The following NISCH variants were observed in gnomAD, a reference collection of about 807,000 sequenced individuals.
NISCH encodes the protein I-1 receptor candidate protein.
In NISCH, 55 loss-of-function variants were observed where a neutral mutation model predicts 138.4. The ratio of observed to expected loss-of-function variants is 0.40; its 90% CI spans 0.32 to 0.50. NISCH has a LOEUF of 0.50. Among genes scored for constraint, NISCH ranks in the 20% least tolerant of loss-of-function variants. NISCH has a pLI of 0.71. For synonymous variants in NISCH, 860 were observed against 861.5 expected, an observed-to-expected ratio of 1.00 and a Z score of 0.03; for missense variants, 1,643 against 2,005.5, an observed-to-expected ratio of 0.82 and a Z score of 3.45.
At chr3:52,463,209 G>A (rs369437450) in intron 3 of NISCH, among the ~76,000 whole-genome samples, 3 of 152,330 alleles carry the variant, frequency 2.0e-5, no homozygotes, top group Admixed American at 6.5e-5. Flanking sequence ...GAATCATACA[G>A]TGTGTGGCCT....
rs1331815315 is a variant in NISCH at position 52,487,189 on chromosome 3, T to C, written c.1704-7T>C. On this transcript the variant is annotated splice_region_variant and splice_polypyrimidine_tract_variant and intron_variant, in intron 15 of 20. Coordinates refer to ENST00000345716, the MANE Select transcript of NISCH (RefSeq NM_007184.4). The surrounding 1 kb of genome is among the most constrained non-coding windows in gnomAD (Gnocchi z 9.1). ...GCATGCCACTGACCTGGCCTCTCCCTGCACAGCCCAGAACATGCCGAGCCG... is the reference window on the plus strand; with the variant it reads ...GCATGCCACTGACCTGGCCTCTCCCCGCACAGCCCAGAACATGCCGAGCCG... 1.2e-6 allele frequency: 2 copies of C among 1,605,948 alleles called. No homozygotes were observed. The highest frequency in any genetic ancestry group is 8.5e-7 in the Non-Finnish European group (1 of 1,175,078).
chr3:52,480,960 C>G, intron 13 of NISCH: 1 of 1,511,080 alleles, frequency 6.6e-7, no homozygotes, highest in South Asian at 1.3e-5. Context: ...GGAGGGTGTG[C>G]CGTCCCGAGT....
At position 52,491,619 on chromosome 3, in the gene NISCH, T is replaced by C. The variant is rs997752041; in HGVS notation, c.3904+106T>C. 3 of 1,321,148 alleles carry C rather than the reference T, an allele frequency of 2.3e-6. No individual in the cohort carries two copies. The African/African-American group carries it at 4.5e-5, about 20-fold the overall frequency. The allele number at this position is 1,321,148 out of a possible 1,614,324, so 81.8% of individuals were successfully genotyped here. A position where few individuals can be genotyped will look rare whatever the true frequency, so the allele number is the denominator to read the frequency against. ...ACCCTCTCTGCCTCTATGTCTCTCTTTTCTCACTTAGCTGGCCAGGGTTTT... is the reference window on the plus strand; with the variant it reads ...ACCCTCTCTGCCTCTATGTCTCTCTCTTCTCACTTAGCTGGCCAGGGTTTT... On this transcript the variant is annotated intron_variant, in intron 20 of 20. Coordinates refer to ENST00000345716, the MANE Select transcript of NISCH (RefSeq NM_007184.4).
At chr3:52,467,762 C>T (rs1706829273) in intron 3 of NISCH, among the ~76,000 whole-genome samples, 1 of 152,230 alleles carries the variant, frequency 6.6e-6, no homozygotes, top group Non-Finnish European at 1.5e-5. Context: ...GCCCTATCCC[C>T]TTAGAGGGGC....
intron 13 of NISCH, chr3:52,481,287 G>A: frequency 9.7e-7 from 1 of 1,035,282 alleles, no homozygotes; most frequent in South Asian, 4.2e-5. Flanking sequence ...GACTGGGCAG[G>A]AAGAGGGGAG....
At chr3:52,490,557 C>G in intron 18 of NISCH, 148 bp from the exon 19 acceptor site, 1 of 1,130,372 alleles carries the variant, frequency 8.8e-7, no homozygotes, top group Non-Finnish European at 1.3e-6. Flanking sequence ...GGAAGAGGCT[C>G]CGACTCCAGA....
intron 3 of NISCH, among the ~76,000 whole-genome samples, chr3:52,461,611 C>T (rs1433510546): frequency 6.6e-6 from 1 of 152,138 alleles, no homozygotes; most frequent in Non-Finnish European, 1.5e-5. Context: ...CGCCTGTAAT[C>T]CCAGCACTTT....
chr3:52,490,327 C>T, intron 18 of NISCH, 96 bp downstream of exon 18: 1 of 1,398,550 alleles, frequency 7.2e-7, no homozygotes, highest in Non-Finnish European at 9.8e-7. Context: ...TGGCTTCAGG[C>T]AGCAGTCAGC....
chr3:52,492,675 G>A lies in NISCH; in HGVS notation c.*193G>A. ...GGGAGTGAGAATGCCGGGCCCCTCA[G>A]GGCTGTCGGTGTGCTGTCAGCCTCC... On this transcript the variant is annotated 3_prime_UTR_variant, in exon 21 of 21. Coordinates refer to ENST00000345716, the MANE Select transcript of NISCH (RefSeq NM_007184.4). 1 of 780,544 alleles carries A rather than the reference G, an allele frequency of 1.3e-6. No individual in the cohort carries two copies. Among genetic ancestry groups the A allele is most frequent in the South Asian group, 2.0e-5 (1 of 50,112 alleles). The allele number at this position is 780,544 out of a possible 1,614,324, so 48.4% of individuals were successfully genotyped here.
rs372651693 is a variant in NISCH, at chr3:52,490,146, G to A, written c.3528G>A (p.Val1176=). The change falls in exon 18 of 21, where the codon GTG becomes GTA. Residue 1176 remains valine, a synonymous_variant. Coordinates refer to ENST00000345716, the MANE Select transcript of NISCH (RefSeq NM_007184.4). ...TCTACCAGACCCCAGGGCTGGAGGT[G>A]ACTGCCTGCGTGCTGCTCTCCACCA... ...VVFYQTPGLE[V]TACVLLSTKA... The A allele has an allele frequency of 2.2e-5, 36 of 1,613,492 alleles. No homozygotes were observed. The African/African-American group carries it at 3.9e-4, about 17-fold the overall frequency.
At chr3:52,467,682 T>C (rs1706826791) in intron 3 of NISCH, among the ~76,000 whole-genome samples, 1 of 152,258 alleles carries the variant, frequency 6.6e-6, no homozygotes, top group African/African-American at 2.4e-5. Context: ...AAGTGAAAGC[T>C]TTCTCTTTGC....
At chr3:52,490,682 C>T in intron 18 of NISCH, 23 bp from the exon 19 acceptor site, 3 of 1,614,110 alleles carry the variant, frequency 1.9e-6, no homozygotes, top group Non-Finnish European at 2.5e-6. Context: ...CCGCCTCCCT[C>T]TGTCCCTTTC....
chr3:52,466,295 G>A (rs1406072220), intron 3 of NISCH, among the ~76,000 whole-genome samples: 2 of 152,140 alleles, frequency 1.3e-5, no homozygotes, highest in African/African-American at 4.8e-5. Flanking sequence ...GCCGGGCATG[G>A]TGACTCACGC....
intron 1 of NISCH, among the ~76,000 whole-genome samples, chr3:52,456,991 C>G (rs890021006): frequency 6.6e-6 from 1 of 152,186 alleles, no homozygotes; most frequent in African/African-American, 2.4e-5. Flanking sequence ...CTAGTTTGGA[C>G]CCTACCATCC....
Position 52,490,182 on chromosome 3 carries a change from C to T in NISCH, c.3564C>T (p.Tyr1188=). 1 of 1,613,440 alleles carries T rather than the reference C, an allele frequency of 6.2e-7. No individual in the cohort carries two copies. The highest frequency in any genetic ancestry group is 8.5e-7 in the Non-Finnish European group (1 of 1,180,038). The part of the protein sequence containing the change: ...ACVLLSTKAV[Y]FVLHDGLRRY... ...TGCTGCTCTCCACCAAGGCTGTGTACTTTGTGCTCCACGACGGCCTCCGCC... is the reference window on the plus strand; with the variant it reads ...TGCTGCTCTCCACCAAGGCTGTGTATTTTGTGCTCCACGACGGCCTCCGCC... The change falls in exon 18 of 21, where the codon TAC becomes TAT. Residue 1188 remains tyrosine, a synonymous_variant. Transcript: ENST00000345716.
chr3:52,476,143 A>C lies in NISCH; in HGVS notation c.766-304A>C, dbSNP rs533101811. Reference sequence around the variant, plus strand: ...ACAGAGCGAGACTCCATCTCAAAAAAGAGAAAAGGCTAGAAAAGGCATCAC... The same window carrying C: ...ACAGAGCGAGACTCCATCTCAAAAACGAGAAAAGGCTAGAAAAGGCATCAC... On this transcript the variant is annotated intron_variant, in intron 7 of 20. Coordinates refer to ENST00000345716, the MANE Select transcript of NISCH (RefSeq NM_007184.4). Among the ~76,000 whole-genome samples the C allele has an allele frequency of 2.0e-5, 3 of 152,356 alleles. No homozygotes were observed. The South Asian group carries it at 6.2e-4, about 32-fold the overall frequency.
At position 52,473,822 on chromosome 3, in the gene NISCH, C is replaced by T. The variant is rs748430765; in HGVS notation, c.758C>T (p.Ser253Leu). Residue 253 changes from serine to leucine, a missense_variant, in exon 7 of 21, where the codon TCG becomes TTG. Transcript: ENST00000345716. ...CTGAGTGTCCGCTTCTCAGCAACCT[C>T]GATGAAGGTAAGCTTCACCTATATC... Reference protein sequence around the residue: ...ATLSVRFSATSMKEVLVPEAS... With the variant: ...ATLSVRFSATLMKEVLVPEAS... 8.7e-6 allele frequency: 14 copies of T among 1,606,024 alleles called. No homozygotes were observed. Among genetic ancestry groups the T allele is most frequent in the Non-Finnish European group, 1.1e-5 (13 of 1,174,210 alleles).
At chr3:52,464,887 C>T (rs929326304) in intron 3 of NISCH, among the ~76,000 whole-genome samples, 13 of 151,506 alleles carry the variant, frequency 8.6e-5, no homozygotes, top group African/African-American at 2.4e-4. Context: ...AGGCTGGTCT[C>T]GAACTCCTGA....
chr3:52,481,267 G>A (rs916627705), intron 13 of NISCH: 12 of 1,061,274 alleles, frequency 1.1e-5, no homozygotes, highest in Admixed American at 5.4e-5. Flanking sequence ...CCTCCCAGCA[G>A]GGACAGGAAG....
Sources: gnomAD v4.1 joint callset for allele counts (sites outside exome capture counted in the v4.1 genomes callset) on GRCh38, gnomAD v4.1.1 for gene constraint, Gnocchi (gnomAD v3.1) non-coding constraint, MANE v1.5 for transcripts, NCBI Gene and HGNC (gene_info 2026-07-23, HGNC 2026-07-21) for gene names.